Variants in LRRC7 observed in about 807,000 individuals in gnomAD.
LRRC7 encodes leucine-rich repeat-containing protein 7.
Under a neutral mutation model 175.7 loss-of-function variants are expected in LRRC7, and 23 were observed. The ratio of observed to expected loss-of-function variants is 0.13; its 90% CI spans 0.09 to 0.19. The LOEUF is 0.19. LRRC7 is among the 10% of genes least tolerant of loss of function. LRRC7 has a pLI of 1.00. For missense variants in LRRC7, 1,354 were observed against 1,904.7 expected (o/e 0.71, Z 5.38); for synonymous variants, 685 against 680.9 (o/e 1.01, Z -0.09).
chr1:69,857,958 A>G (rs1683891230), intron 7 of LRRC7, among the ~76,000 whole-genome samples: 2 of 152,168 alleles, frequency 1.3e-5, no homozygotes, highest in Non-Finnish European at 2.9e-5. Flanking sequence ...ATAATACCAC[A>G]GATCTACAAC....
chr1:69,731,237 GC>G (rs1667545541), intron 2 of LRRC7, among the ~76,000 whole-genome samples: 1 of 152,122 alleles, frequency 6.6e-6, no homozygotes, highest in Non-Finnish European at 1.5e-5. Flanking sequence ...GGGAGGCTGA[GC>G]TTGCAGTGAG....
chr1:69,871,888 C>T (rs1350027437), intron 7 of LRRC7, among the ~76,000 whole-genome samples: 1 of 151,822 alleles, frequency 6.6e-6, no homozygotes, highest in Non-Finnish European at 1.5e-5. Context: ...TGAAATTGTT[C>T]AACCTTTAGA....
At chr1:69,827,934 T>TG (rs745345283) in intron 5 of LRRC7, among the ~76,000 whole-genome samples, 6 of 152,178 alleles carry the variant, frequency 3.9e-5, no homozygotes, top group Non-Finnish European at 7.3e-5. Context: ...AGATATAGAC[T>TG]ATTGCATCAT....
intron 7 of LRRC7, among the ~76,000 whole-genome samples, chr1:69,918,330 G>A (rs775386928): frequency 2.6e-5 from 4 of 152,172 alleles, no homozygotes; most frequent in Non-Finnish European, 5.9e-5. Context: ...AAAGAAGCAC[G>A]TTATAGGAAT....
At chr1:70,113,577 T>C (rs1315557652) in intron 26 of LRRC7, among the ~76,000 whole-genome samples, 1 of 152,154 alleles carries the variant, frequency 6.6e-6, no homozygotes, top group African/African-American at 2.4e-5. Flanking sequence ...ACAACTTCTT[T>C]TGAAAGCCAG....
chr1:69,809,258 G>A (rs1449797365), intron 4 of LRRC7, among the ~76,000 whole-genome samples: 2 of 152,106 alleles, frequency 1.3e-5, no homozygotes, highest in African/African-American at 4.8e-5. Flanking sequence ...TAAATAACAA[G>A]TTCTGAAATT....
intron 2 of LRRC7, among the ~76,000 whole-genome samples, chr1:69,690,900 A>G (rs943354081): frequency 2.0e-5 from 3 of 152,190 alleles, no homozygotes; most frequent in African/African-American, 7.2e-5. Flanking sequence ...ATTGAAACCC[A>G]TTCTTTGGTG....
intron 10 of LRRC7, among the ~76,000 whole-genome samples, chr1:69,991,147 C>A (rs1201598828): frequency 4.8e-5 from 3 of 62,554 alleles, no homozygotes; most frequent in Non-Finnish European, 9.9e-5. Flanking sequence ...CAGAATGGGA[C>A]CTTTTATCAA....
chr1:70,013,161 G>C, intron 13 of LRRC7, 72 bp downstream of exon 13: 1 of 851,232 alleles, frequency 1.2e-6, no homozygotes, highest in Non-Finnish European at 1.8e-6. Context: ...TTTGCCTATA[G>C]TTTTGATAAC....
chr1:69,915,799 G>C (rs1646668698), intron 7 of LRRC7, among the ~76,000 whole-genome samples: 1 of 151,434 alleles, frequency 6.6e-6, no homozygotes, highest in Non-Finnish European at 1.5e-5. Flanking sequence ...AACACAGAGA[G>C]TATTTATCAT....
intron 8 of LRRC7, among the ~76,000 whole-genome samples, chr1:69,950,606 A>T (rs1193978483): frequency 6.6e-6 from 1 of 152,164 alleles, no homozygotes; most frequent in East Asian, 1.9e-4. Context: ...GACATGAAAG[A>T]TGAGTTAATC....
intron 8 of LRRC7, among the ~76,000 whole-genome samples, chr1:69,978,932 G>GA (rs3069189): frequency 0.17 from 21,695 of 125,976 alleles, 2,053 homozygotes; most frequent in Non-Finnish European, 0.22. Context: ...GTTTCAGTTA[G>GA]AAAAAAAAAA....
chr1:70,115,440 TTTTTG>T (rs1553206874), intron 26 of LRRC7, among the ~76,000 whole-genome samples: 1 of 150,024 alleles, frequency 6.7e-6, no homozygotes, highest in Non-Finnish European at 1.5e-5. Flanking sequence ...TTTGCCAGGT[TTTTTG>T]TTTTGTTTTG....
In LRRC7 at chr1:70,082,781, A is replaced by ATTTTTTTT. The variant is rs1172403797; in HGVS notation, c.4452+6507_4452+6514dup. ...TATTAGTCAATCTTGATACCAGTAC[A>ATTTTTTTT]TTTTTTTTTTTTTTTTTTTTTTTTT... On this transcript the variant is annotated intron_variant, in intron 24 of 26. Coordinates refer to ENST00000651989, the MANE Select transcript of LRRC7 (RefSeq NM_001370785.2). Among the ~76,000 whole-genome samples the ATTTTTTTT allele has an allele frequency of 7.6e-4, 40 of 52,304 alleles. 15 individuals carry two copies. The highest frequency in any genetic ancestry group is 2.1e-3 in the East Asian group (3 of 1,408). 34.3% of individuals were successfully genotyped at this position (52,304 alleles called of 152,430 possible).
Position 69,574,250 on chromosome 1 carries a change from C to T in LRRC7, c.2+5609C>T, listed in dbSNP as rs536038066. ...TTAAAACAAAACAATAGCATAAATA[C>T]TATCATTATCATCATGAAATTTTCA... On this transcript the variant is annotated intron_variant, in intron 1 of 26. Coordinates refer to ENST00000651989, the MANE Select transcript of LRRC7 (RefSeq NM_001370785.2). Among the ~76,000 whole-genome samples, 34 of 152,044 alleles carry T rather than the reference C, an allele frequency of 2.2e-4. 1 individual carries two copies. In the South Asian group the frequency reaches 6.8e-3, roughly 31 times the overall value.
chr1:69,965,780 G>A (rs1651604041), intron 8 of LRRC7, among the ~76,000 whole-genome samples: 1 of 152,104 alleles, frequency 6.6e-6, no homozygotes. Context: ...CTCAAGGCAT[G>A]TAATACATTA....
intron 23 of LRRC7, among the ~76,000 whole-genome samples, chr1:70,055,268 G>A (rs779414723): frequency 8.5e-5 from 13 of 152,204 alleles, no homozygotes; most frequent in East Asian, 7.7e-4. Flanking sequence ...AGCAGAAGCC[G>A]GATCATGCTG....
In LRRC7 at chr1:69,844,030, G is replaced by A. The variant is rs183985307; in HGVS notation, c.647+5747G>A. 1.9e-4 allele frequency among the ~76,000 whole-genome samples: 29 copies of A among 152,180 alleles called. No individual in the cohort carries two copies. The East Asian group carries it at 4.6e-3, about 24-fold the overall frequency. On this transcript the variant is annotated intron_variant, in intron 7 of 26. Coordinates refer to ENST00000651989, the MANE Select transcript of LRRC7 (RefSeq NM_001370785.2). ...AGAATGTTTGTGTGTAGGAAATACC[G>A]AAGTATTTGGGAGGATGGGACACCA...
chr1:69,923,059 C>T (rs369739306), intron 7 of LRRC7, among the ~76,000 whole-genome samples: 4 of 151,996 alleles, frequency 2.6e-5, no homozygotes, highest in Non-Finnish European at 4.4e-5. Flanking sequence ...TGAGTGAGAA[C>T]ATGCGGTGTT....
Sources: allele counts gnomAD v4.1 joint callset (sites outside exome capture counted in the v4.1 genomes callset), GRCh38; gene constraint gnomAD v4.1.1; transcripts MANE v1.5; gene names NCBI Gene and HGNC (gene_info 2026-07-23, HGNC 2026-07-21).